The following GLCE variants were observed in gnomAD, a reference collection of about 807,000 sequenced individuals.
GLCE encodes D-glucuronyl C5-epimerase.
In GLCE, 19 loss-of-function variants were observed where a neutral mutation model predicts 47.9. The observed-to-expected ratio is 0.40, with a 90% CI of 0.28 to 0.58. The LOEUF (loss-of-function observed/expected upper bound fraction) is 0.58, where lower values mean the gene tolerates loss of function less well. Among genes scored for constraint, GLCE ranks in the 20% least tolerant of loss-of-function variants. The pLI is 0.48. For missense variants in GLCE, 556 were observed against 743.3 expected (o/e 0.75, Z 2.93); for synonymous variants, 245 against 263.4 (o/e 0.93, Z 0.68).
At chr15:69,265,716 G>A (rs1402878149) in intron 4 of GLCE, among the ~76,000 whole-genome samples, 1 of 152,176 alleles carries the variant, frequency 6.6e-6, no homozygotes, top group African/African-American at 2.4e-5. Context: ...AAATAAAATT[G>A]TAATTCTGGG....
At chr15:69,204,015 T>C (rs2140366816) in intron 1 of GLCE, among the ~76,000 whole-genome samples, 1 of 152,228 alleles carries the variant, frequency 6.6e-6, no homozygotes, top group South Asian at 2.1e-4. Flanking sequence ...GTAGTACTTT[T>C]ATACTTAGTT....
intron 1 of GLCE, among the ~76,000 whole-genome samples, chr15:69,179,511 T>C (rs1435254949): frequency 6.6e-6 from 1 of 152,192 alleles, no homozygotes; most frequent in Non-Finnish European, 1.5e-5. Flanking sequence ...AGTTTTATCA[T>C]GTGTAGTTTT....
chr15:69,244,489 G>C (rs967245233), intron 2 of GLCE, among the ~76,000 whole-genome samples: 2 of 152,078 alleles, frequency 1.3e-5, no homozygotes, highest in South Asian at 2.1e-4. Context: ...AATTCAGTTC[G>C]CAGTCTAGTA....
intron 2 of GLCE, among the ~76,000 whole-genome samples, chr15:69,242,526 T>C (rs1278996836): frequency 6.6e-6 from 1 of 152,126 alleles, no homozygotes; most frequent in Non-Finnish European, 1.5e-5. Context: ...GCTTCATTCA[T>C]TGAATTTAGT....
At chr15:69,191,327 T>C (rs1248391974) in intron 1 of GLCE, among the ~76,000 whole-genome samples, 3 of 152,104 alleles carry the variant, frequency 2.0e-5, no homozygotes, top group East Asian at 1.9e-4. Flanking sequence ...CAAATTGTAG[T>C]GTATCACCTC....
At chr15:69,260,601 A>G (rs907355838) in intron 3 of GLCE, 4 of 155,216 alleles carry the variant, frequency 2.6e-5, no homozygotes, top group African/African-American at 9.6e-5. Context: ...ATCAGATGAC[A>G]TACCTAATTA....
intron 2 of GLCE, among the ~76,000 whole-genome samples, chr15:69,247,705 T>C (rs2052772565): frequency 6.6e-6 from 1 of 152,164 alleles, no homozygotes; most frequent in Non-Finnish European, 1.5e-5. Context: ...TAGTTACTGG[T>C]CATTGTAGAG....
At chr15:69,249,561 T>C (rs548392342) in intron 2 of GLCE, among the ~76,000 whole-genome samples, 2 of 152,228 alleles carry the variant, frequency 1.3e-5, no homozygotes, top group African/African-American at 4.8e-5. Flanking sequence ...CAAGGAATTA[T>C]AGGAAACATA....
At chr15:69,202,277 A>G (rs1274587847) in intron 1 of GLCE, among the ~76,000 whole-genome samples, 1 of 152,092 alleles carries the variant, frequency 6.6e-6, no homozygotes, top group Admixed American at 6.6e-5. Flanking sequence ...AAAAAAAAAA[A>G]TCAACAGTTG....
chr15:69,191,804 C>T (rs1471034082), intron 1 of GLCE, among the ~76,000 whole-genome samples: 1 of 152,112 alleles, frequency 6.6e-6, no homozygotes, highest in African/African-American at 2.4e-5. Context: ...TACAAGTAGG[C>T]CTTTCTAAGG....
At chr15:69,256,617 T>G (rs898592129) in intron 3 of GLCE, among the ~76,000 whole-genome samples, 1 of 152,184 alleles carries the variant, frequency 6.6e-6, no homozygotes, top group Non-Finnish European at 1.5e-5. Context: ...AATTATTTTA[T>G]TAACGTAACT....
chr15:69,186,870 A>C (rs565708055), intron 1 of GLCE, among the ~76,000 whole-genome samples: 3 of 151,956 alleles, frequency 2.0e-5, no homozygotes, highest in Admixed American at 6.6e-5. Flanking sequence ...TCTCATATAC[A>C]CTTTTTTTTT....
chr15:69,233,441 A>G (rs2140407628), intron 2 of GLCE, among the ~76,000 whole-genome samples: 1 of 152,320 alleles, frequency 6.6e-6, no homozygotes, highest in East Asian at 1.9e-4. Flanking sequence ...GAAAAATTAC[A>G]TTTTAAGTCA....
In GLCE at chr15:69,271,176, A is replaced by G. The variant is rs2053161911; in HGVS notation, c.*1932A>G. 2 of 152,676 alleles carry G rather than the reference A, an allele frequency of 1.3e-5. No individual in the cohort carries two copies. Among genetic ancestry groups the G allele is most frequent in the South Asian group, 4.1e-4 (2 of 4,832 alleles). The allele number at this position is 152,676 out of a possible 1,614,324, so 9.5% of individuals were successfully genotyped here. A position where few individuals can be genotyped will look rare whatever the true frequency, so the allele number is the denominator to read the frequency against. ...GTCCTTTTCCACTGAAGAAGGAAAG[A>G]CGTTTTGATCTAGAAATAGCGTTGT... On this transcript the variant is annotated 3_prime_UTR_variant, in exon 5 of 5. Transcript: ENST00000261858.
chr15:69,255,050 C>G (rs1225663133), intron 2 of GLCE, among the ~76,000 whole-genome samples: 1 of 152,048 alleles, frequency 6.6e-6, no homozygotes, highest in Non-Finnish European at 1.5e-5. Flanking sequence ...GAAAATGTTT[C>G]AAGAAGGAAA....
At chr15:69,167,725 G>A (rs2051526053) in intron 1 of GLCE, among the ~76,000 whole-genome samples, 1 of 152,054 alleles carries the variant, frequency 6.6e-6, no homozygotes, top group African/African-American at 2.4e-5. Context: ...ATGTGGGCTG[G>A]GCTAGTGGTT....
chr15:69,195,827 G>T (rs1205129041), intron 1 of GLCE, among the ~76,000 whole-genome samples: 1 of 152,034 alleles, frequency 6.6e-6, no homozygotes, highest in Non-Finnish European at 1.5e-5. Flanking sequence ...AATTCCCTTG[G>T]TTGGTTCATT....
intron 2 of GLCE, among the ~76,000 whole-genome samples, chr15:69,212,029 A>G (rs766445454): frequency 3.3e-5 from 5 of 151,972 alleles, no homozygotes; most frequent in Non-Finnish European, 4.4e-5. Flanking sequence ...TTAAATCAGT[A>G]TGGATTTAGA....
chr15:69,235,123 T>G (rs2052579191), intron 2 of GLCE, among the ~76,000 whole-genome samples: 1 of 93,340 alleles, frequency 1.1e-5, no homozygotes, highest in Admixed American at 1.5e-4. Context: ...TTTTTTTTTT[T>G]TTGAGATAGA....
Sources: allele counts gnomAD v4.1 joint callset (sites outside exome capture counted in the v4.1 genomes callset), GRCh38; gene constraint gnomAD v4.1.1; transcripts MANE v1.5; gene names NCBI Gene and HGNC (gene_info 2026-07-23, HGNC 2026-07-21).